Variants in SKAP2 observed in about 807,000 individuals in gnomAD.
SKAP2 encodes the protein src kinase associated phosphoprotein 2.
In SKAP2, 28 loss-of-function variants were observed where a neutral mutation model predicts 54.9. The observed-to-expected ratio is 0.51, with a 90% CI of 0.38 to 0.70. The LOEUF is 0.70. Ranked by LOEUF, SKAP2 falls within the 30% of genes least tolerant of loss-of-function variation. The pLI, the probability that SKAP2 is intolerant of heterozygous loss-of-function variation, is 0.00. For synonymous variants in SKAP2, 137 were observed against 134.3 expected, an observed-to-expected ratio of 1.02 and a Z score of -0.14; for missense variants, 356 against 424.1, an observed-to-expected ratio of 0.84 and a Z score of 1.41.
chr7:26,864,270 G>C (rs188011989), intron 1 of SKAP2, 93 bp downstream of exon 1: 1 of 1,470,754 alleles, frequency 6.8e-7, no homozygotes, highest in South Asian at 1.2e-5. Context: ...CGCGGGGAGG[G>C]AGGATAAGGG....
intron 9 of SKAP2, among the ~76,000 whole-genome samples, chr7:26,700,971 C>T (rs1787009973): frequency 6.6e-6 from 1 of 152,148 alleles, no homozygotes; most frequent in Non-Finnish European, 1.5e-5. Context: ...TAAAGCAAAG[C>T]TCAATCCCCA....
At chr7:26,861,246 A>C (rs139243563) in intron 1 of SKAP2, among the ~76,000 whole-genome samples, 165 of 151,476 alleles carry the variant, frequency 1.1e-3, no homozygotes, top group Admixed American at 3.5e-3. Context: ...AAAAAAAATC[A>C]CATAAATCAA....
chr7:26,727,821 T>A (rs940775857), intron 6 of SKAP2, among the ~76,000 whole-genome samples: 13 of 152,184 alleles, frequency 8.5e-5, no homozygotes, highest in Admixed American at 7.2e-4. Context: ...TTCACCCAGT[T>A]ACACCATTTT....
intron 4 of SKAP2, among the ~76,000 whole-genome samples, chr7:26,746,364 CTTTG>C (rs1782560544): frequency 6.6e-6 from 1 of 152,150 alleles, no homozygotes; most frequent in South Asian, 2.1e-4. Flanking sequence ...GATGCAGACA[CTTTG>C]TTTCTTATTC....
At chr7:26,764,831 G>A (rs770629590) in intron 4 of SKAP2, among the ~76,000 whole-genome samples, 8 of 152,112 alleles carry the variant, frequency 5.3e-5, no homozygotes, top group Non-Finnish European at 1.2e-4. Context: ...GATTACAGGC[G>A]TGAGCCACGG....
intron 4 of SKAP2, among the ~76,000 whole-genome samples, chr7:26,812,188 T>G (rs1784161067): frequency 6.6e-6 from 1 of 152,176 alleles, no homozygotes; most frequent in Non-Finnish European, 1.5e-5. Flanking sequence ...TTTTCCCTCT[T>G]TTGGGCTCTA....
At chr7:26,779,568 A>G (rs1008712557) in intron 4 of SKAP2, among the ~76,000 whole-genome samples, 1 of 152,080 alleles carries the variant, frequency 6.6e-6, no homozygotes, top group Non-Finnish European at 1.5e-5. Context: ...AAGCATTTCA[A>G]TTCATATCAT....
chr7:26,861,751 TAATA>T (rs1215718771), intron 1 of SKAP2, among the ~76,000 whole-genome samples: 2 of 144,240 alleles, frequency 1.4e-5, no homozygotes, highest in Non-Finnish European at 3.0e-5. Flanking sequence ...GAAAGAAAAA[TAATA>T]AATAAGAATA....
chr7:26,791,604 T>C (rs1031852903), intron 4 of SKAP2, among the ~76,000 whole-genome samples: 2 of 152,350 alleles, frequency 1.3e-5, no homozygotes, highest in Admixed American at 6.5e-5. Flanking sequence ...GTTATTTGTA[T>C]TTCTAAATTA....
chr7:26,796,108 T>A (rs6956088), intron 4 of SKAP2, among the ~76,000 whole-genome samples: 32,585 of 152,120 alleles, frequency 0.21, 3,575 homozygotes, highest in Non-Finnish European at 0.24. Context: ...AACATACAAA[T>A]ATCTATTATA....
intron 4 of SKAP2, among the ~76,000 whole-genome samples, chr7:26,740,492 C>T (rs1782415370): frequency 6.6e-6 from 1 of 151,972 alleles, no homozygotes; most frequent in Non-Finnish European, 1.5e-5. Flanking sequence ...AGTGAGTATG[C>T]TTTAGGTTTT....
intron 4 of SKAP2, among the ~76,000 whole-genome samples, chr7:26,762,963 T>A (rs916144139): frequency 3.3e-5 from 5 of 152,160 alleles, no homozygotes; most frequent in Non-Finnish European, 7.3e-5. Context: ...TCATTAACAA[T>A]ATATTTTAAC....
chr7:26,659,437 A>G, the SKAP2 span, among the ~76,000 whole-genome samples: 1 of 152,192 alleles, frequency 6.6e-6, no homozygotes, highest in African/African-American at 2.4e-5. Flanking sequence ...GTGTAATGAA[A>G]ACAAAAACAC....
intron 4 of SKAP2, among the ~76,000 whole-genome samples, chr7:26,795,218 T>A (rs1783749811): frequency 6.6e-6 from 1 of 152,218 alleles, no homozygotes. Context: ...AAGTTCCTTA[T>A]CACTTGCAAT....
At chr7:26,773,098 T>C (rs1783224353) in intron 4 of SKAP2, among the ~76,000 whole-genome samples, 2 of 152,220 alleles carry the variant, frequency 1.3e-5, no homozygotes, top group Non-Finnish European at 2.9e-5. Flanking sequence ...CTGAAACTCA[T>C]TTTAAACTCC....
chr7:26,778,326 C>A (rs956336301), intron 4 of SKAP2, among the ~76,000 whole-genome samples: 6 of 151,972 alleles, frequency 3.9e-5, no homozygotes, highest in Non-Finnish European at 8.8e-5. Context: ...AATAAAAGCA[C>A]CAATCTCAAT....
At chr7:26,712,962 T>A (rs1182812094) in intron 9 of SKAP2, among the ~76,000 whole-genome samples, 2 of 152,256 alleles carry the variant, frequency 1.3e-5, no homozygotes, top group African/African-American at 4.8e-5. Flanking sequence ...ATTATACATG[T>A]CAGCCTCACT....
At chr7:26,712,754 T>C (rs1787337694) in intron 9 of SKAP2, among the ~76,000 whole-genome samples, 1 of 152,224 alleles carries the variant, frequency 6.6e-6, no homozygotes, top group African/African-American at 2.4e-5. Flanking sequence ...ATAATTATCA[T>C]CATATCTTCT....
chr7:26,694,704 T>C (rs965634214), intron 9 of SKAP2, among the ~76,000 whole-genome samples: 5 of 151,634 alleles, frequency 3.3e-5, no homozygotes, highest in African/African-American at 4.8e-5. Flanking sequence ...TTAATAGATA[T>C]TTGGCCTTCT....
Sources: allele counts gnomAD v4.1 joint callset (sites outside exome capture counted in the v4.1 genomes callset), GRCh38; gene constraint gnomAD v4.1.1; transcripts MANE v1.5; gene names NCBI Gene and HGNC (gene_info 2026-07-23, HGNC 2026-07-21).